The following CYRIB variants were observed in gnomAD, a reference collection of about 807,000 sequenced individuals.
The protein encoded by CYRIB is CYFIP related Rac1 interactor B, also known as CYFIP-related Rac1 interactor B.
In CYRIB, 8 loss-of-function variants were observed where a neutral mutation model predicts 44.2. The ratio of observed to expected loss-of-function variants is 0.18; its 90% CI spans 0.11 to 0.33. CYRIB has a LOEUF of 0.33. Among genes scored for constraint, CYRIB ranks in the 10% least tolerant of loss-of-function variants. CYRIB has a pLI of 1.00. For synonymous variants in CYRIB, 131 were observed against 127.2 expected (o/e 1.03, Z -0.20); for missense variants, 185 against 382.8 (o/e 0.48, Z 4.31).
At chr8:129,872,774 T>G (rs940069813) in intron 3 of CYRIB, among the ~76,000 whole-genome samples, 3 of 152,036 alleles carry the variant, frequency 2.0e-5, no homozygotes, top group African/African-American at 7.2e-5. Flanking sequence ...TAAAAATATT[T>G]TAACAAACAA....
intron 1 of CYRIB, among the ~76,000 whole-genome samples, chr8:129,904,808 CT>C (rs750375704): frequency 7.9e-5 from 12 of 152,116 alleles, no homozygotes; most frequent in Non-Finnish European, 1.8e-4. Context: ...ATTCTGTTGC[CT>C]GAGCATTATC....
intron 1 of CYRIB, among the ~76,000 whole-genome samples, chr8:130,015,566 T>C (rs2097323457): frequency 1.3e-5 from 2 of 152,126 alleles, no homozygotes; most frequent in Non-Finnish European, 2.9e-5. Flanking sequence ...CCTCCACCTC[T>C]TGCAGCAGGG....
chr8:129,863,184 A>C (rs2050893454), intron 4 of CYRIB, among the ~76,000 whole-genome samples: 1 of 152,212 alleles, frequency 6.6e-6, no homozygotes, highest in Admixed American at 6.5e-5. Flanking sequence ...AACTAGCATT[A>C]AGAAAACTAC....
chr8:129,988,092 A>G (rs1178046319), intron 1 of CYRIB, among the ~76,000 whole-genome samples: 5 of 152,230 alleles, frequency 3.3e-5, no homozygotes, highest in African/African-American at 1.2e-4. Flanking sequence ...AGGCGGGCTG[A>G]GGCCTAAAAT....
At chr8:129,857,483 G>A (rs150415228) in intron 5 of CYRIB, among the ~76,000 whole-genome samples, 234 of 152,320 alleles carry the variant, frequency 1.5e-3, no homozygotes, top group Admixed American at 5.5e-3. Flanking sequence ...AGGGCAAGGA[G>A]GAGGGTAACC....
chr8:129,918,897 T>C (rs1443412202), intron 1 of CYRIB, among the ~76,000 whole-genome samples: 3 of 152,220 alleles, frequency 2.0e-5, no homozygotes, highest in Non-Finnish European at 2.9e-5. Flanking sequence ...GAGAGGTCAA[T>C]GTATCGTTAG....
At chr8:129,951,491 G>T (rs532626027) in intron 2 of CYRIB, among the ~76,000 whole-genome samples, 18 of 151,308 alleles carry the variant, frequency 1.2e-4, no homozygotes, top group African/African-American at 4.1e-4. Context: ...CAGATCATGA[G>T]GTCAGGAGTT....
At chr8:129,983,861 C>T (rs1441601839) in intron 1 of CYRIB, among the ~76,000 whole-genome samples, 1 of 152,240 alleles carries the variant, frequency 6.6e-6, no homozygotes, top group East Asian at 1.9e-4. Flanking sequence ...AAGCGCTGCC[C>T]CATAAAGCCG....
At chr8:129,853,202 A>C (rs1587251573) in intron 7 of CYRIB, among the ~76,000 whole-genome samples, 1 of 152,348 alleles carries the variant, frequency 6.6e-6, no homozygotes, top group East Asian at 1.9e-4. Context: ...TAATGTCTTT[A>C]GCCTTAAGTG....
chr8:129,853,047 A>C (rs981603054), intron 7 of CYRIB, among the ~76,000 whole-genome samples: 1 of 152,196 alleles, frequency 6.6e-6, no homozygotes, highest in African/African-American at 2.4e-5. Flanking sequence ...TGACTGCCAG[A>C]AAGAGTGGGA....
chr8:129,935,065 A>G (rs1444019309), intron 1 of CYRIB, among the ~76,000 whole-genome samples: 1 of 152,186 alleles, frequency 6.6e-6, no homozygotes, highest in Non-Finnish European at 1.5e-5. Flanking sequence ...CTTCCTCTCC[A>G]GTTCACCTGC....
At chr8:129,938,538 C>T (rs1288955565) in intron 1 of CYRIB, among the ~76,000 whole-genome samples, 1 of 152,168 alleles carries the variant, frequency 6.6e-6, no homozygotes, top group African/African-American at 2.4e-5. Flanking sequence ...ATTCCAAAAA[C>T]CTTTGTCTTA....
At chr8:129,861,478 C>T (rs139802294) in intron 5 of CYRIB, among the ~76,000 whole-genome samples, 2,218 of 152,118 alleles carry the variant, frequency 0.015, 44 homozygotes, top group African/African-American at 0.047. Context: ...CTCACTTTGT[C>T]GCCCAGGCTG....
At chr8:129,939,422 G>C (rs930947851) in intron 1 of CYRIB, among the ~76,000 whole-genome samples, 6 of 151,758 alleles carry the variant, frequency 4.0e-5, no homozygotes, top group African/African-American at 1.5e-4. Flanking sequence ...CGGGGCCGCG[G>C]GGCCACAGAG....
chr8:129,886,786 A>C (rs1216154286), intron 2 of CYRIB, among the ~76,000 whole-genome samples: 1 of 151,760 alleles, frequency 6.6e-6, no homozygotes, highest in African/African-American at 2.4e-5. Flanking sequence ...CATTAGCTTA[A>C]AGGGCAGCAC....
chr8:130,003,761 T>C (rs1428149351), intron 1 of CYRIB, among the ~76,000 whole-genome samples: 1 of 152,188 alleles, frequency 6.6e-6, no homozygotes, highest in African/African-American at 2.4e-5. Context: ...TCCAACCACA[T>C]TGATCATGGG....
intron 1 of CYRIB, among the ~76,000 whole-genome samples, chr8:129,914,160 T>C (rs1248876546): frequency 2.6e-5 from 4 of 152,146 alleles, no homozygotes; most frequent in Non-Finnish European, 5.9e-5. Flanking sequence ...TTTTTTTAAA[T>C]GGGCAACTGA....
At chr8:129,928,851 G>A (rs888905924) in intron 1 of CYRIB, among the ~76,000 whole-genome samples, 5 of 152,116 alleles carry the variant, frequency 3.3e-5, no homozygotes, top group South Asian at 4.1e-4. Context: ...ACTACTGGTA[G>A]GACATAAAAT....
At chr8:129,913,604 C>A (rs2079175907) in intron 1 of CYRIB, among the ~76,000 whole-genome samples, 2 of 152,204 alleles carry the variant, frequency 1.3e-5, no homozygotes, top group African/African-American at 4.8e-5. Context: ...CAATTCTTCA[C>A]AGACTACGTG....
Sources: allele counts gnomAD v4.1 joint callset (sites outside exome capture counted in the v4.1 genomes callset), GRCh38; gene constraint gnomAD v4.1.1; transcripts MANE v1.5; gene names NCBI Gene and HGNC (gene_info 2026-07-23, HGNC 2026-07-21).